The following DNAJC6 variants were observed in gnomAD, a reference collection of about 807,000 sequenced individuals.
DNAJC6 encodes the protein DnaJ heat shock protein family (Hsp40) member C6.
DNAJC6 carries 34 observed loss-of-function variants against 110.0 expected under a neutral mutation model. The ratio of observed to expected loss-of-function variants is 0.31; its 90% CI spans 0.24 to 0.41. The LOEUF (loss-of-function observed/expected upper bound fraction) is 0.41, where lower values mean the gene tolerates loss of function less well. Ranked by LOEUF, DNAJC6 falls within the 10% of genes least tolerant of loss-of-function variation. DNAJC6 has a pLI of 1.00. For synonymous variants in DNAJC6, 406 were observed against 437.2 expected, an observed-to-expected ratio of 0.93 and a Z score of 0.89; for missense variants, 1,031 against 1,207.8, an observed-to-expected ratio of 0.85 and a Z score of 2.17.
At chr1:65,349,691 G>A (rs543148114) in intron 1 of DNAJC6, among the ~76,000 whole-genome samples, 6 of 151,728 alleles carry the variant, frequency 4.0e-5, no homozygotes, top group South Asian at 2.1e-4. Flanking sequence ...TTTTTGTTCC[G>A]CTATATGTAA....
intron 1 of DNAJC6, among the ~76,000 whole-genome samples, chr1:65,319,518 T>G (rs769358766): frequency 6.6e-6 from 1 of 152,168 alleles, no homozygotes; most frequent in Non-Finnish European, 1.5e-5. Flanking sequence ...AGCCCTAGAC[T>G]CTGGTTCCTT....
rs1645935281 is a variant in DNAJC6 at position 65,392,298 on chromosome 1, T to C, written c.1469-133T>C. 7.6e-6 allele frequency: 6 copies of C among 792,198 alleles called. No individual in the cohort carries two copies. The Admixed American group carries it at 1.6e-4, about 21-fold the overall frequency. 49.1% of individuals were successfully genotyped at this position (792,198 alleles called of 1,614,324 possible). A position where few individuals can be genotyped will look rare whatever the true frequency, so the allele number is the denominator to read the frequency against. On this transcript the variant is annotated intron_variant, in intron 11 of 18. Coordinates refer to ENST00000371069, the MANE Select transcript of DNAJC6 (RefSeq NM_001256864.2). ...TGAAATACATCAAGTGTTCCACTGATTAGGGTCTAAAAACACTGTTTGCTC... is the reference window on the plus strand; with the variant it reads ...TGAAATACATCAAGTGTTCCACTGACTAGGGTCTAAAAACACTGTTTGCTC...
chr1:65,307,003 T>G (rs1645047715), upstream of DNAJC6, among the ~76,000 whole-genome samples: 6 of 116,288 alleles, frequency 5.2e-5, no homozygotes, highest in Admixed American at 5.6e-4. Flanking sequence ...TCTCTCTCTC[T>G]CTCTCTCTCT....
intron 1 of DNAJC6, among the ~76,000 whole-genome samples, chr1:65,295,723 T>G (rs906501086): frequency 6.6e-6 from 1 of 152,226 alleles, no homozygotes; most frequent in Non-Finnish European, 1.5e-5. Flanking sequence ...CCAAAGCCCA[T>G]GTTCTTAACT....
intron 1 of DNAJC6, among the ~76,000 whole-genome samples, chr1:65,330,192 C>T (rs1263091519): frequency 6.6e-6 from 1 of 152,168 alleles, no homozygotes; most frequent in Non-Finnish European, 1.5e-5. Context: ...TGGACACTCT[C>T]CAGCTGGCCT....
At chr1:65,373,342 C>A (rs1243425888) in intron 4 of DNAJC6, among the ~76,000 whole-genome samples, 1 of 152,032 alleles carries the variant, frequency 6.6e-6, no homozygotes, top group Admixed American at 6.6e-5. Flanking sequence ...ATTGCTGGGT[C>A]ATATGGAACC....
chr1:65,389,334 C>T lies in DNAJC6; in HGVS notation c.1272C>T (p.Pro424=). 2 of 1,614,106 alleles carry T rather than the reference C, an allele frequency of 1.2e-6. No individual in the cohort carries two copies. Residue 424 remains proline, a synonymous_variant, in exon 10 of 19, where the codon CCC becomes CCT. Transcript: ENST00000371069. ...FQVTLDVELQ[P]HDKVIDLTPP... Reference sequence around the variant, plus strand: ...TGACACTGGATGTAGAACTACAGCCCCATGACAAAGTAATAGACTTAACTC... The same window carrying T: ...TGACACTGGATGTAGAACTACAGCCTCATGACAAAGTAATAGACTTAACTC...
At chr1:65,395,232 T>C (rs1438321805) in intron 13 of DNAJC6, among the ~76,000 whole-genome samples, 200 bp downstream of exon 13, 1 of 152,198 alleles carries the variant, frequency 6.6e-6, no homozygotes, top group Non-Finnish European at 1.5e-5. Context: ...CTTAACTTTG[T>C]TTTGCTCTGC....
In DNAJC6 at chr1:65,363,426, GACAGAGAA is replaced by G. The variant is rs1052124783; in HGVS notation, c.194-1207_194-1200del. The stretch of plus-strand genomic sequence containing the variant: ...AGAAATACAGACAGAGAGAGAGAGA[GACAGAGAA>G]AGAGAGAAAGAGAGAGAGAAAAACT... On this transcript the variant is annotated intron_variant, in intron 1 of 18. Transcript: ENST00000371069. Among the ~76,000 whole-genome samples the G allele has an allele frequency of 2.0e-4, 10 of 49,322 alleles. No homozygotes were observed. The South Asian group carries it at 3.6e-3, about 18-fold the overall frequency. 32.4% of individuals were successfully genotyped at this position (49,322 alleles called of 152,430 possible).
rs369646074 is a variant in DNAJC6 at position 65,392,614 on chromosome 1, C to G, written c.1652C>G (p.Pro551Arg). ...CAGGAGCCAGCAGCCCCTCCACCCC[C>G]TGAGGATGTGGACCTTTTGGGCCTG... ...KQQEPAAPPP[P>R]EDVDLLGLEG... Residue 551 changes from proline to arginine, a missense_variant, in exon 12 of 19, where the codon CCT becomes CGT. Transcript: ENST00000371069. 19 of 1,613,906 alleles carry G rather than the reference C, an allele frequency of 1.2e-5. No individual in the cohort carries two copies. In the Admixed American group the frequency reaches 3.2e-4, roughly 27 times the overall value.
chr1:65,340,442 G>A (rs1645378704), intron 1 of DNAJC6, among the ~76,000 whole-genome samples: 1 of 152,176 alleles, frequency 6.6e-6, no homozygotes, highest in Admixed American at 6.5e-5. Flanking sequence ...CCATCTATGT[G>A]CTATTGGCGA....
At position 65,392,851 on chromosome 1, in the gene DNAJC6, T is replaced by C. The variant is rs758218641; in HGVS notation, c.1889T>C (p.Leu630Pro). 5.3e-6 allele frequency: 8 copies of C among 1,520,064 alleles called. No homozygotes were observed. Among genetic ancestry groups the C allele is most frequent in the Non-Finnish European group, 7.0e-6 (8 of 1,135,070 alleles). The allele number at this position is 1,520,064 out of a possible 1,614,324, so 94.2% of individuals were successfully genotyped here. A position where few individuals can be genotyped will look rare whatever the true frequency, so the allele number is the denominator to read the frequency against. ...ACCTCCACCTCTGCGTCTCCAACCC[T>C]AAGAGTGGGAGAAGGTAATTTTTTC... ...SATSTSASPT[L>P]RVGEGATFDP... The change falls in exon 12 of 19, where the codon CTA (leucine) becomes CCA (proline). Residue 630 changes from leucine to proline, a missense_variant. Coordinates refer to ENST00000371069, the MANE Select transcript of DNAJC6 (RefSeq NM_001256864.2).
Position 65,389,595 on chromosome 1 carries a change from A to C in DNAJC6, c.1436A>C (p.Gln479Pro). 6.2e-7 allele frequency: 1 copy of C among 1,614,186 alleles called. No homozygotes were observed. The highest frequency in any genetic ancestry group is 8.5e-7 in the Non-Finnish European group (1 of 1,180,014). ...CCAGACAACCCCAGGCATTACGGAC[A>C]AAGTGGTTTCTTTGCCTCTCTCTGT... is the stretch of plus-strand genomic sequence containing the variant. ...IPPDNPRHYG[Q>P]SGFFASLCWQ... The change falls in exon 11 of 19, where the codon CAA becomes CCA. Residue 479 changes from glutamine (Q) to proline (P), a missense_variant. By Grantham distance (76) the Gln-to-Pro change is moderately conservative. Transcript: ENST00000371069.
chr1:65,353,984 T>G (rs193241429), intron 1 of DNAJC6, among the ~76,000 whole-genome samples: 11 of 152,246 alleles, frequency 7.2e-5, no homozygotes, highest in Non-Finnish European at 1.3e-4. Context: ...TCTGCCATCT[T>G]CTCTTTGATT....
chr1:65,314,219 T>A (rs1203959417), intron 1 of DNAJC6, among the ~76,000 whole-genome samples: 1 of 151,594 alleles, frequency 6.6e-6, no homozygotes, highest in Non-Finnish European at 1.5e-5. Context: ...AAAAAAAGAA[T>A]AAGGATAATG....
chr1:65,383,697 G>C (rs1164496581), intron 5 of DNAJC6, among the ~76,000 whole-genome samples: 1 of 152,072 alleles, frequency 6.6e-6, no homozygotes, highest in Non-Finnish European at 1.5e-5. Context: ...TGAATTCTGG[G>C]GCATACAAAC....
intron 1 of DNAJC6, among the ~76,000 whole-genome samples, chr1:65,339,792 A>G (rs1339058676): frequency 1.3e-5 from 2 of 152,168 alleles, no homozygotes; most frequent in Non-Finnish European, 2.9e-5. Context: ...CAGGTGGCCA[A>G]CTTGTTAGAT....
intron 4 of DNAJC6, among the ~76,000 whole-genome samples, chr1:65,375,426 CTTT>C (rs34114134): frequency 5.1e-5 from 7 of 137,098 alleles, no homozygotes; most frequent in South Asian, 2.4e-4. Flanking sequence ...TGAAGTAAAA[CTTT>C]TTTTTTTTTT....
Position 65,289,110 on chromosome 1 carries a change from T to C in DNAJC6, c.-131+24178T>C, listed in dbSNP as rs116535834. Among the ~76,000 whole-genome samples, 631 of 152,314 alleles carry C rather than the reference T, an allele frequency of 4.1e-3. 5 individuals carry two copies. Among genetic ancestry groups the C allele is most frequent in the African/African-American group, 0.015 (613 of 41,580 alleles). ...ACTGCCAAACAGTTTTACAAAGTGG[T>C]TGTACCAAGTTTTACTCCTCTCAGC... On this transcript the variant is annotated intron_variant, in intron 1 of 19. Coordinates refer to the DNAJC6 transcript ENST00000263441.
Sources: gnomAD v4.1 joint callset for allele counts (sites outside exome capture counted in the v4.1 genomes callset) on GRCh38, gnomAD v4.1.1 for gene constraint, MANE v1.5 for transcripts, NCBI Gene and HGNC (gene_info 2026-07-23, HGNC 2026-07-21) for gene names.